The following EFHB variants were observed in gnomAD, a reference collection of about 807,000 sequenced individuals.
EFHB encodes EF-hand domain-containing family member B.
In EFHB, 91 loss-of-function variants were observed where a neutral mutation model predicts 87.2. The ratio of observed to expected loss-of-function variants is 1.04; its 90% CI spans 0.88 to 1.24. The LOEUF is 1.24. Ranked by LOEUF, EFHB falls within the 50% of genes most tolerant of loss-of-function variation. The probability of loss-of-function intolerance (pLI) is 0.00; values close to 1 mark genes in which losing one functional copy is unlikely to be tolerated. For missense variants in EFHB, 1,084 were observed against 998.8 expected (o/e 1.09, Z -1.15); for synonymous variants, 325 against 333.6 (o/e 0.97, Z 0.28).
rs777288998 is a variant in EFHB at position 19,933,751 on chromosome 3, C to T, written c.268G>A (p.Gly90Arg). ...SRTVMQRGSL[G>R]VDSVSASQGT... ...TGTGAAGCTGAGACACTGTCGACTCCTAAACTACCCCTCTGCATGACAGTC... is the reference window on the plus strand; with the variant it reads ...TGTGAAGCTGAGACACTGTCGACTCTTAAACTACCCCTCTGCATGACAGTC... Residue 90 changes from glycine to arginine, a missense_variant, in exon 1 of 13, where the codon GGA becomes AGA. By Grantham distance (125) the Gly-to-Arg change is moderately radical (BLOSUM62 -2). Coordinates refer to ENST00000295824, the MANE Select transcript of EFHB (RefSeq NM_144715.4). The T allele has an allele frequency of 8.8e-5, 142 of 1,613,856 alleles. No homozygotes were observed. The East Asian group carries it at 3.1e-3, about 35-fold the overall frequency.
chr3:19,885,687 G>A (rs1005017505), intron 10 of EFHB, among the ~76,000 whole-genome samples: 5 of 152,164 alleles, frequency 3.3e-5, no homozygotes, highest in African/African-American at 1.2e-4. Flanking sequence ...GGTGGATACC[G>A]TGGCAAACTA....
intron 4 of EFHB, among the ~76,000 whole-genome samples, chr3:19,916,208 G>A (rs1298072648): frequency 6.6e-6 from 1 of 152,114 alleles, no homozygotes; most frequent in Non-Finnish European, 1.5e-5. Flanking sequence ...CCCTGTGTCT[G>A]TTTTGATCTG....
intron 9 of EFHB, among the ~76,000 whole-genome samples, chr3:19,895,830 T>C (rs1049412242): frequency 6.6e-6 from 1 of 152,174 alleles, no homozygotes; most frequent in Non-Finnish European, 1.5e-5. Flanking sequence ...ATGGGCATAC[T>C]AACAAAAAAT....
intron 1 of EFHB, among the ~76,000 whole-genome samples, chr3:19,928,475 G>A (rs372033533): frequency 7.2e-5 from 11 of 152,240 alleles, no homozygotes; most frequent in Admixed American, 2.0e-4. Flanking sequence ...TGTTTGAGGC[G>A]GAGTCTCGCT....
chr3:19,922,070 CAGG>C (rs1183040521), intron 1 of EFHB, among the ~76,000 whole-genome samples: 5 of 152,098 alleles, frequency 3.3e-5, no homozygotes, highest in African/African-American at 9.7e-5. Context: ...GAAGCTGAGG[CAGG>C]AGAATTGCTT....
At chr3:19,923,895 T>C (rs181284660) in intron 1 of EFHB, among the ~76,000 whole-genome samples, 1 of 152,340 alleles carries the variant, frequency 6.6e-6, no homozygotes, top group East Asian at 1.9e-4. Flanking sequence ...AATTTAAATA[T>C]GATAATCTAA....
intron 9 of EFHB, 130 bp from the exon 10 acceptor site, chr3:19,888,781 A>G: frequency 1.3e-6 from 1 of 771,404 alleles, no homozygotes; most frequent in African/African-American, 1.7e-5. Context: ...ATTTTCACAG[A>G]AGAGGAGTCA....
intron 5 of EFHB, among the ~76,000 whole-genome samples, chr3:19,908,562 A>AAGAGAGAAAG (rs1559459432): frequency 2.4e-5 from 2 of 83,892 alleles, no homozygotes; most frequent in African/African-American, 4.9e-5. Context: ...GAAAGAGAGA[A>AAGAGAGAAAG]AGAGAGAGAG....
At chr3:19,938,013 G>A (rs780682912), upstream of EFHB, among the ~76,000 whole-genome samples, 4 of 152,186 alleles carry the variant, frequency 2.6e-5, no homozygotes, top group African/African-American at 4.8e-5. Context: ...AGTAGTGAGA[G>A]AGGTGGAAGA....
rs781336925 is a variant in EFHB at position 19,933,427 on chromosome 3, G to C, written c.592C>G (p.Gln198Glu). 6.2e-7 allele frequency: 1 copy of C among 1,613,964 alleles called. No homozygotes were observed. The highest frequency in any genetic ancestry group is 8.5e-7 in the Non-Finnish European group (1 of 1,179,884). Residue 198 changes from glutamine to glutamate, a missense_variant, in exon 1 of 13, where the codon CAA becomes GAA. Gln to Glu is a conservative substitution (Grantham distance 29). Coordinates refer to ENST00000295824, the MANE Select transcript of EFHB (RefSeq NM_144715.4). ...LPVEVDIGLT[Q>E]AEGPDETKNT... is the part of the protein sequence containing the mutation. ...TTAGTCTCATCTGGCCCCTCGGCTTGGGTTAGTCCAATGTCCACCTCCACA... is the reference window on the plus strand; with the variant it reads ...TTAGTCTCATCTGGCCCCTCGGCTTCGGTTAGTCCAATGTCCACCTCCACA...
At chr3:19,934,511 C>G (rs577658846), upstream of EFHB, among the ~76,000 whole-genome samples, 3 of 151,782 alleles carry the variant, frequency 2.0e-5, no homozygotes, top group East Asian at 5.8e-4. Flanking sequence ...TCCCCTCCCT[C>G]CCCCTCTTCC....
Position 19,890,123 on chromosome 3 carries a change from G to A in EFHB, c.1726-1472C>T, listed in dbSNP as rs184600467. ...CAGATGCTGTCAACGATAAATTACC[G>A]CCTAATATGCAGGGCTTTGTGTGCA... On this transcript the variant is annotated intron_variant, in intron 9 of 12. Coordinates refer to ENST00000295824, the MANE Select transcript of EFHB (RefSeq NM_144715.4). Among the ~76,000 whole-genome samples, 14 of 152,262 alleles carry A rather than the reference G, an allele frequency of 9.2e-5. No individual in the cohort carries two copies. In the South Asian group the frequency reaches 1.5e-3, roughly 16 times the overall value.
intron 4 of EFHB, among the ~76,000 whole-genome samples, chr3:19,916,372 A>G (rs1192731333): frequency 6.6e-6 from 1 of 151,978 alleles, no homozygotes; most frequent in African/African-American, 2.4e-5. Flanking sequence ...AAAATTAGAC[A>G]GGCGTGGTGG....
intron 9 of EFHB, among the ~76,000 whole-genome samples, chr3:19,892,407 CT>C (rs1266340536): frequency 3.3e-5 from 5 of 152,176 alleles, no homozygotes; most frequent in Admixed American, 6.5e-5. Context: ...CTCATTCTAT[CT>C]CAGCTGCTTC....
chr3:19,929,453 C>G (rs9842271), intron 1 of EFHB, among the ~76,000 whole-genome samples: 2,393 of 151,914 alleles, frequency 0.016, 37 homozygotes, highest in Middle Eastern at 0.061. Context: ...CGCCTGTAAT[C>G]CCTGCACTTT....
chr3:19,885,953 C>T (rs1180022945), intron 10 of EFHB, among the ~76,000 whole-genome samples: 1 of 152,172 alleles, frequency 6.6e-6, no homozygotes, highest in Admixed American at 6.5e-5. Flanking sequence ...TTTGGCAGAA[C>T]ATTCCTGGGC....
Position 19,919,759 on chromosome 3 carries a change from T to C in EFHB, c.996+74A>G. 4 of 1,433,728 alleles carry C rather than the reference T, an allele frequency of 2.8e-6. No individual in the cohort carries two copies. The Admixed American group carries it at 7.5e-5, about 27-fold the overall frequency. 88.8% of individuals were successfully genotyped at this position (1,433,728 alleles called of 1,614,324 possible). On this transcript the variant is annotated intron_variant, in intron 3 of 12. Transcript: ENST00000295824. ...GGAAGGAGATTGGAACTGATGAATT[T>C]CACTAATACCTGATTTGTGCATTTT...
intron 5 of EFHB, among the ~76,000 whole-genome samples, chr3:19,908,652 GAA>G (rs1188536789): frequency 1.0e-4 from 15 of 148,556 alleles, no homozygotes; most frequent in African/African-American, 3.2e-4. Context: ...AAGAAAGAAA[GAA>G]AAAGAAAGTT....
intron 3 of EFHB, 98 bp from the exon 4 acceptor site, chr3:19,918,510 T>C (rs1183155685): frequency 5.7e-5 from 65 of 1,132,842 alleles, no homozygotes; most frequent in Non-Finnish European, 7.6e-5. Flanking sequence ...GACTGTACGA[T>C]TGTGGGAAAA....
Sources: gnomAD v4.1 joint callset for allele counts (sites outside exome capture counted in the v4.1 genomes callset) on GRCh38, gnomAD v4.1.1 for gene constraint, MANE v1.5 for transcripts, NCBI Gene and HGNC (gene_info 2026-07-23, HGNC 2026-07-21) for gene names.